Variants in GALNT1 observed in about 807,000 individuals in gnomAD.
The protein encoded by GALNT1 is polypeptide N-acetylgalactosaminyltransferase 1, also known as GalNAc transferase 1.
A neutral mutation model predicts 65.7 loss-of-function variants in GALNT1; 17 were observed. The ratio of observed to expected loss-of-function variants is 0.26; its 90% confidence interval spans 0.18 to 0.39. The LOEUF (loss-of-function observed/expected upper bound fraction) is 0.39, where lower values mean the gene tolerates loss of function less well. GALNT1 is among the 10% of genes least tolerant of loss of function. The pLI, the probability that GALNT1 is intolerant of heterozygous loss-of-function variation, is 1.00. For synonymous variants in GALNT1, 210 were observed against 219.7 expected, an observed-to-expected ratio of 0.96 and a Z score of 0.39; for missense variants, 460 against 672.8, an observed-to-expected ratio of 0.68 and a Z score of 3.50.
intron 3 of GALNT1, chr18:35,664,465 T>G (rs1446815982): frequency 6.6e-6 from 1 of 152,230 alleles, no homozygotes; most frequent in Non-Finnish European, 1.5e-5. Context: ...TGATAGACCT[T>G]TGGATTATTT....
chr18:35,687,550 G>C (rs1054417668), intron 6 of GALNT1, among the ~76,000 whole-genome samples: 1 of 152,046 alleles, frequency 6.6e-6, no homozygotes. Flanking sequence ...ACCTAAAACT[G>C]GGTCCTTGCA....
chr18:35,697,124 C>T (rs2048071074), intron 9 of GALNT1, among the ~76,000 whole-genome samples: 1 of 152,106 alleles, frequency 6.6e-6, no homozygotes, highest in African/African-American at 2.4e-5. Flanking sequence ...GTTGCTGGGT[C>T]TGTGGATAAA....
rs181720083 is a variant in GALNT1 at position 35,589,491 on chromosome 18, T to G, written c.-104+7629T>G. 7.2e-3 allele frequency among the ~76,000 whole-genome samples: 1,092 copies of G among 152,252 alleles called. 13 individuals are homozygous for G. Among genetic ancestry groups the G allele is most frequent in the African/African-American group, 0.024 (1,014 of 41,530 alleles). On this transcript the variant is annotated intron_variant, in intron 1 of 11. Transcript: ENST00000269195. ...GATGTCCCTTTCTTGGTCTTTTGAC[T>G]TTTTTTCCCTTCTGCTTCTGTTAAT...
Position 35,710,376 on chromosome 18 carries a change from A to G in GALNT1, c.*606A>G, listed in dbSNP as rs2048334279. The G allele has an allele frequency of 6.6e-6, 1 of 152,586 alleles. No homozygotes were observed. Among genetic ancestry groups the G allele is most frequent in the Non-Finnish European group, 1.5e-5 (1 of 68,022 alleles). The allele number at this position is 152,586 out of a possible 1,614,324, so 9.5% of individuals were successfully genotyped here. A position where few individuals can be genotyped will look rare whatever the true frequency, so the allele number is the denominator to read the frequency against. On this transcript the variant is annotated 3_prime_UTR_variant, in exon 12 of 12. Transcript: ENST00000269195. ...AATTTCTATATAGATTTTATACCTC[A>G]GTGGGGAAAAATAACTGATTCCAAT...
chr18:35,645,886 G>C (rs903951621), intron 1 of GALNT1, among the ~76,000 whole-genome samples: 1 of 152,074 alleles, frequency 6.6e-6, no homozygotes, highest in South Asian at 2.1e-4. Flanking sequence ...TGAAGTTTTC[G>C]GTTGCTGAGT....
intron 1 of GALNT1, among the ~76,000 whole-genome samples, chr18:35,633,237 A>G (rs2047041725): frequency 6.6e-6 from 1 of 152,174 alleles, no homozygotes; most frequent in South Asian, 2.1e-4. Flanking sequence ...ATAAAGACAC[A>G]TGCACACATA....
intron 1 of GALNT1, among the ~76,000 whole-genome samples, chr18:35,648,193 G>A (rs533869631): frequency 1.2e-4 from 19 of 152,112 alleles, no homozygotes; most frequent in African/African-American, 3.6e-4. Context: ...ATGCAAATGG[G>A]CCCTGACTTA....
chr18:35,658,609 G>A (rs1048810016), intron 2 of GALNT1, among the ~76,000 whole-genome samples: 2 of 151,970 alleles, frequency 1.3e-5, no homozygotes, highest in African/African-American at 4.8e-5. Context: ...TTGAAGAGAT[G>A]TTTACTAAAG....
In GALNT1 at chr18:35,604,575, A is replaced by G. The variant is rs150626882; in HGVS notation, c.-104+22713A>G. On this transcript the variant is annotated intron_variant, in intron 1 of 11. Transcript: ENST00000269195. The stretch of plus-strand genomic sequence containing the variant: ...TCCTTTTCCCTACAGCTGCACCAGC[A>G]TGTTATTTTTTGACTTTTTAATAAT... 1.7e-4 allele frequency among the ~76,000 whole-genome samples: 26 copies of G among 152,254 alleles called. 1 individual carries two copies. The highest frequency in any genetic ancestry group is 1.3e-3 in the Admixed American group (20 of 15,280).
intron 1 of GALNT1, among the ~76,000 whole-genome samples, chr18:35,602,587 A>G (rs2046595781): frequency 6.6e-6 from 1 of 151,910 alleles, no homozygotes; most frequent in Admixed American, 6.6e-5. Context: ...ATTTTCCAAT[A>G]TCCTGTCTTC....
At chr18:35,638,089 T>C (rs1315162760) in intron 1 of GALNT1, among the ~76,000 whole-genome samples, 1 of 152,230 alleles carries the variant, frequency 6.6e-6, no homozygotes, top group East Asian at 1.9e-4. Flanking sequence ...AGAGCTGTGA[T>C]GGAGGTGTGT....
At chr18:35,669,594 A>G (rs1325507840) in intron 3 of GALNT1, among the ~76,000 whole-genome samples, 4 of 152,274 alleles carry the variant, frequency 2.6e-5, no homozygotes, top group Non-Finnish European at 5.9e-5. Flanking sequence ...TGATCATTTC[A>G]TTAGATACAG....
chr18:35,638,545 G>A (rs2047122558), intron 1 of GALNT1, among the ~76,000 whole-genome samples: 2 of 151,242 alleles, frequency 1.3e-5, no homozygotes, highest in South Asian at 4.1e-4. Context: ...AAGTTATCTA[G>A]ATCAGTTTCT....
upstream of GALNT1, chr18:35,581,676 C>A (rs1374008026): frequency 1.1e-4 from 2 of 18,554 alleles, no homozygotes; most frequent in African/African-American, 2.3e-4. Context: ...GGCGCGGAGG[C>A]GGGGGCGGGC....
intron 3 of GALNT1, among the ~76,000 whole-genome samples, chr18:35,668,575 C>T (rs537404581): frequency 8.5e-5 from 13 of 152,146 alleles, no homozygotes; most frequent in African/African-American, 2.6e-4. Flanking sequence ...TAGTCAAACT[C>T]GTAGAGGCAG....
chr18:35,597,142 G>C (rs976141596), intron 1 of GALNT1: 1 of 152,158 alleles, frequency 6.6e-6, no homozygotes, highest in African/African-American at 2.4e-5. Context: ...AACCCAGTCT[G>C]TTCTTTCATC....
chr18:35,683,365 C>T (rs2047815388), intron 4 of GALNT1, 26 bp from the exon 5 acceptor site: 2 of 1,581,980 alleles, frequency 1.3e-6, no homozygotes, highest in Middle Eastern at 1.7e-4. Context: ...CACTGGTTTG[C>T]ATGTTTTCTT....
chr18:35,690,543 T>C (rs1406942444), intron 7 of GALNT1, among the ~76,000 whole-genome samples: 1 of 152,226 alleles, frequency 6.6e-6, no homozygotes, highest in Non-Finnish European at 1.5e-5. Flanking sequence ...ATGATTCTCT[T>C]AGGTATAATG....
Position 35,645,244 on chromosome 18 carries a change from T to C in GALNT1, c.-103-9316T>C, listed in dbSNP as rs1270481883. Among the ~76,000 whole-genome samples the C allele has an allele frequency of 1.3e-3, 138 of 108,296 alleles. 2 individuals carry two copies. Among genetic ancestry groups the C allele is most frequent in the African/African-American group, 4.4e-3 (125 of 28,344 alleles). 71.0% of individuals were successfully genotyped at this position (108,296 alleles called of 152,430 possible). A position where few individuals can be genotyped will look rare whatever the true frequency, so the allele number is the denominator to read the frequency against. On this transcript the variant is annotated intron_variant, in intron 1 of 11. Transcript: ENST00000269195. ...TTTTTTTTTTTTTTTTTTTTTTTTT[T>C]CTGGGAGATGGAGTCTCGCTCTGTT...
Sources: gnomAD v4.1 joint callset for allele counts (sites outside exome capture counted in the v4.1 genomes callset) on GRCh38, gnomAD v4.1.1 for gene constraint, MANE v1.5 for transcripts, NCBI Gene and HGNC (gene_info 2026-07-23, HGNC 2026-07-21) for gene names.